CADPS: variants seen among roughly 807,000 people sequenced by gnomAD.
CADPS encodes the protein calcium-dependent secretion activator 1.
In CADPS, 57 loss-of-function variants were observed where a neutral mutation model predicts 167.3. The observed-to-expected ratio is 0.34, with a 90% CI of 0.28 to 0.42. The LOEUF (loss-of-function observed/expected upper bound fraction) is 0.42, where lower values mean the gene tolerates loss of function less well. CADPS is among the 20% of genes least tolerant of loss of function. The pLI is 1.00. For synonymous variants in CADPS, 676 were observed against 635.3 expected, an observed-to-expected ratio of 1.06 and a Z score of -0.96; for missense variants, 1,414 against 1,738.1, an observed-to-expected ratio of 0.81 and a Z score of 3.32.
chr3:62,716,475 C>T (rs903101864), intron 3 of CADPS, among the ~76,000 whole-genome samples: 13 of 152,192 alleles, frequency 8.5e-5, no homozygotes, highest in African/African-American at 3.1e-4. Context: ...AATGTAAAGT[C>T]AGACCTTTAT....
At chr3:62,588,302 T>C (rs917347778) in intron 7 of CADPS, among the ~76,000 whole-genome samples, 8 of 151,702 alleles carry the variant, frequency 5.3e-5, no homozygotes, top group African/African-American at 1.9e-4. Context: ...TCTTTCTTTT[T>C]TTTTTTTTTT....
chr3:62,415,135 C>T (rs555572394), intron 28 of CADPS, among the ~76,000 whole-genome samples: 8 of 151,218 alleles, frequency 5.3e-5, no homozygotes, highest in Non-Finnish European at 1.0e-4. Context: ...TACACGCACA[C>T]GTACGACATC....
At chr3:62,841,851 T>C (rs1046903670) in intron 1 of CADPS, among the ~76,000 whole-genome samples, 1 of 152,208 alleles carries the variant, frequency 6.6e-6, no homozygotes, top group African/African-American at 2.4e-5. Context: ...CAATATATTA[T>C]TTCCCTCTGG....
At position 62,549,447 on chromosome 3, in the gene CADPS, G is replaced by GTTTT. The variant is rs3074235; in HGVS notation, c.1966+452_1966+455dup. On this transcript the variant is annotated intron_variant, in intron 11 of 29. Transcript: ENST00000383710. Reference sequence around the variant, plus strand: ...TGGGATTTTAGGTACCATGTTTTGTGTTTTTTTTTTTTTTTTCGCTGCATG... The same window carrying GTTTT: ...TGGGATTTTAGGTACCATGTTTTGTGTTTTTTTTTTTTTTTTTTTTCGCTGCATG... Among the ~76,000 whole-genome samples the GTTTT allele has an allele frequency of 3.7e-3, 473 of 129,274 alleles. 6 individuals carry two copies. Among genetic ancestry groups the GTTTT allele is most frequent in the African/African-American group, 9.9e-3 (326 of 32,774 alleles). 84.8% of individuals were successfully genotyped at this position (129,274 alleles called of 152,430 possible).
chr3:62,674,126 G>A (rs934848586), intron 3 of CADPS, among the ~76,000 whole-genome samples: 24 of 152,194 alleles, frequency 1.6e-4, no homozygotes, highest in African/African-American at 4.3e-4. Context: ...GAATGTGTAC[G>A]TGCATGCATG....
At chr3:62,651,686 T>G (rs1013907970) in intron 4 of CADPS, among the ~76,000 whole-genome samples, 11 of 152,236 alleles carry the variant, frequency 7.2e-5, no homozygotes, top group African/African-American at 2.4e-4. Context: ...AACTGACCTC[T>G]ATTTTTTCCT....
intron 1 of CADPS, among the ~76,000 whole-genome samples, chr3:62,787,514 C>T (rs1358456067): frequency 1.3e-5 from 2 of 152,132 alleles, no homozygotes; most frequent in Middle Eastern, 3.4e-3. Context: ...ATCTATGACT[C>T]GCCCTTTTAA....
rs563402993 is a variant in CADPS at position 62,420,695 on chromosome 3, T to C, written c.3777+17409A>G. On this transcript the variant is annotated intron_variant, in intron 28 of 29. Coordinates refer to ENST00000383710, the MANE Select transcript of CADPS (RefSeq NM_003716.4). The surrounding 1 kb of genome is among the most constrained non-coding windows in gnomAD (Gnocchi z 4.1). ...AATGAGGAAAATAAAGACAAAGTGC[T>C]GCTTTTTAAAAGTTAACATGTGTTT... Among the ~76,000 whole-genome samples, 1 of 152,214 alleles carries C rather than the reference T, an allele frequency of 6.6e-6. No homozygotes were observed. Among genetic ancestry groups the C allele is most frequent in the Non-Finnish European group, 1.5e-5 (1 of 68,032 alleles).
chr3:62,489,920 T>G (rs1410309450), intron 21 of CADPS, among the ~76,000 whole-genome samples: 1 of 152,164 alleles, frequency 6.6e-6, no homozygotes. Flanking sequence ...AGTAGGGCCA[T>G]ATTAAGAGAC....
chr3:62,681,440 A>G (rs1361106982), intron 3 of CADPS, among the ~76,000 whole-genome samples: 2 of 151,954 alleles, frequency 1.3e-5, no homozygotes, highest in Non-Finnish European at 2.9e-5. Flanking sequence ...GCCTGTGTTA[A>G]AGTTTCAATA....
Position 62,846,054 on chromosome 3 carries a change from G to GCT in CADPS, c.441+28533_441+28534dup, listed in dbSNP as rs112418953. 2.7e-3 allele frequency among the ~76,000 whole-genome samples: 404 copies of GCT among 148,242 alleles called. 5 individuals carry two copies. The highest frequency in any genetic ancestry group is 0.025 in the East Asian group (122 of 4,894). On this transcript the variant is annotated intron_variant, in intron 1 of 29. Coordinates refer to ENST00000383710, the MANE Select transcript of CADPS (RefSeq NM_003716.4). ...GAAAGTGTATATCATTTCCCCCTTT[G>GCT]CTCTCTCTCTCTCTCTCTCTCTCTC...
intron 1 of CADPS, among the ~76,000 whole-genome samples, chr3:62,829,405 G>C (rs1285971598): frequency 6.6e-6 from 1 of 152,094 alleles, no homozygotes; most frequent in Admixed American, 6.6e-5. Context: ...TTTTATATAA[G>C]AGACTTGAGC....
intron 6 of CADPS, among the ~76,000 whole-genome samples, chr3:62,635,730 G>A (rs1332622860): frequency 6.6e-6 from 1 of 151,166 alleles, no homozygotes; most frequent in Non-Finnish European, 1.5e-5. Flanking sequence ...TAGATGGAGA[G>A]ATCTGCACTA....
chr3:62,510,057 T>C (rs1300328265), intron 17 of CADPS, among the ~76,000 whole-genome samples: 7 of 152,180 alleles, frequency 4.6e-5, no homozygotes, highest in Admixed American at 3.9e-4. Flanking sequence ...CATAGGTTCA[T>C]AGGTGGCTGC....
chr3:62,760,637 T>C (rs1238315614), intron 2 of CADPS, among the ~76,000 whole-genome samples: 4 of 152,144 alleles, frequency 2.6e-5, no homozygotes, highest in Non-Finnish European at 5.9e-5. Context: ...GAATCAATGC[T>C]TTAGAGTGGG....
At chr3:62,596,527 T>G (rs890453714) in intron 6 of CADPS, among the ~76,000 whole-genome samples, 2 of 152,192 alleles carry the variant, frequency 1.3e-5, no homozygotes, top group African/African-American at 4.8e-5. Context: ...ATGTATACAA[T>G]GTGTAATAAT....
Position 62,760,306 on chromosome 3 carries a change from A to G in CADPS, c.555+5565T>C, listed in dbSNP as rs563733482. Among the ~76,000 whole-genome samples, 10 of 152,324 alleles carry G rather than the reference A, an allele frequency of 6.6e-5. 1 individual carries two copies. In the South Asian group the frequency reaches 2.1e-3, roughly 32 times the overall value. On this transcript the variant is annotated intron_variant, in intron 2 of 29. Transcript: ENST00000383710. ...TTAGGCAAGGAAGGTCCTATTAAAG[A>G]TGAAGCAACTAAGGCTCAGACATAG...
At chr3:62,758,663 C>T (rs183054412) in intron 2 of CADPS, among the ~76,000 whole-genome samples, 16 of 152,298 alleles carry the variant, frequency 1.1e-4, no homozygotes, top group Admixed American at 8.5e-4. Flanking sequence ...AGACTTTAAC[C>T]CCAAGCCCAG....
intron 6 of CADPS, among the ~76,000 whole-genome samples, chr3:62,615,450 CTG>C (rs1005062879): frequency 1.2e-4 from 19 of 152,278 alleles, no homozygotes; most frequent in African/African-American, 4.3e-4. Flanking sequence ...GAATCAGCGA[CTG>C]TGTTAAGTGC....
Sources: gnomAD v4.1 joint callset for allele counts (sites outside exome capture counted in the v4.1 genomes callset) on GRCh38, gnomAD v4.1.1 for gene constraint, Gnocchi (gnomAD v3.1) non-coding constraint, MANE v1.5 for transcripts, NCBI Gene and HGNC (gene_info 2026-07-23, HGNC 2026-07-21) for gene names.